The following POLA1 variants were observed in gnomAD, a reference collection of about 807,000 sequenced individuals.
The protein encoded by POLA1 is DNA polymerase alpha 1, catalytic subunit.
POLA1 carries 15 observed loss-of-function variants against 124.0 expected under a neutral mutation model. That is an observed-to-expected ratio of 0.12 (90% CI 0.08 to 0.19). The LOEUF (loss-of-function observed/expected upper bound fraction) is 0.19, where lower values mean the gene tolerates loss of function less well. Among genes scored for constraint, POLA1 ranks in the 10% least tolerant of loss-of-function variants. The probability of loss-of-function intolerance (pLI) is 1.00; values close to 1 mark genes in which losing one functional copy is unlikely to be tolerated. For synonymous variants in POLA1, 408 were observed against 389.4 expected (o/e 1.05, Z -0.56); for missense variants, 886 against 1,103.4 (o/e 0.80, Z 2.79).
chrX:24,951,876 G>C (rs1462760958), intron 36 of POLA1, among the ~76,000 whole-genome samples: 2 of 111,666 alleles, frequency 1.8e-5, no homozygotes, highest in Non-Finnish European at 3.8e-5. Context: ...GTGGGGATTT[G>C]AATCTATTAA....
intron 31 of POLA1, among the ~76,000 whole-genome samples, chrX:24,824,309 T>A (rs1253360585): frequency 5.4e-5 from 6 of 110,549 alleles, no homozygotes; most frequent in African/African-American, 2.0e-4. Context: ...TTTTTTAATT[T>A]TGAGACAGGG....
intron 35 of POLA1, among the ~76,000 whole-genome samples, chrX:24,888,644 G>A (rs2047099821): frequency 2.6e-5 from 2 of 76,254 alleles, no homozygotes; most frequent in African/African-American, 1.1e-4. Context: ...GTCTTGCTCT[G>A]TTGCCAGGCT....
intron 34 of POLA1, among the ~76,000 whole-genome samples, chrX:24,879,005 C>T (rs766426838): frequency 5.4e-5 from 6 of 111,690 alleles, no homozygotes; most frequent in Admixed American, 9.5e-5. Context: ...ACAGAGATTA[C>T]TAGTGATAGC....
At chrX:24,712,178 T>G (rs1042113093) in intron 4 of POLA1, among the ~76,000 whole-genome samples, 1 of 111,220 alleles carries the variant, frequency 9.0e-6, no homozygotes, top group Non-Finnish European at 1.9e-5. Flanking sequence ...TTCCGCCTCC[T>G]GGTTTCAAGC....
chrX:24,737,607 C>T lies in POLA1; in HGVS notation c.1924-18C>T. 1 of 768,408 alleles carries T rather than the reference C, an allele frequency of 1.3e-6. No homozygotes were observed. The highest frequency in any genetic ancestry group is 2.0e-6 in the Non-Finnish European group (1 of 499,116). The allele number at this position is 768,408 out of a possible 1,213,427, so 63.3% of individuals were successfully genotyped here. ...GCATTTGTTATAACATTATCAGCTG[C>T]CTTCTTTTTCTGACTAGGGTCATAA... On this transcript the variant is annotated intron_variant, in intron 18 of 36. Transcript: ENST00000379068.
At position 24,810,858 on chromosome X, in the gene POLA1, C is replaced by G. The variant is rs755978615; in HGVS notation, c.3090+58C>G. 1.1e-3 allele frequency: 617 copies of G among 572,509 alleles called. 1 individual carries two copies. The highest frequency in any genetic ancestry group is 1.6e-3 in the Non-Finnish European group (531 of 335,473). 47.2% of individuals were successfully genotyped at this position (572,509 alleles called of 1,213,427 possible). ...CTATTTTTGTGAATTCTGTTTCTAA[C>G]ATGGAACACTATAAATTCATGTGTA... On this transcript the variant is annotated intron_variant, in intron 28 of 36. Coordinates refer to ENST00000379068, the MANE Select transcript of POLA1 (RefSeq NM_001330360.2).
chrX:24,844,496 T>C (rs1159796969), intron 34 of POLA1, among the ~76,000 whole-genome samples: 2 of 110,164 alleles, frequency 1.8e-5, no homozygotes, highest in African/African-American at 6.6e-5. Context: ...AAAAAGCTCA[T>C]GTCTTAGTTA....
At chrX:24,976,729 G>A (rs750613821) in intron 36 of POLA1, among the ~76,000 whole-genome samples, 87 of 112,366 alleles carry the variant, frequency 7.7e-4, no homozygotes, top group Non-Finnish European at 1.5e-3. Context: ...AAGTTCATAT[G>A]TCTGGTTACA....
At chrX:24,933,748 G>A (rs149051630) in intron 36 of POLA1, among the ~76,000 whole-genome samples, 152 of 112,415 alleles carry the variant, frequency 1.4e-3, no homozygotes, top group African/African-American at 4.8e-3. Context: ...TTATTTGAAA[G>A]AGGTTTATTT....
At chrX:24,771,333 G>A (rs749901714) in intron 26 of POLA1, among the ~76,000 whole-genome samples, 2 of 111,452 alleles carry the variant, frequency 1.8e-5, no homozygotes, top group South Asian at 3.8e-4. Context: ...CAGTCAGAAT[G>A]TTTCACACAC....
At chrX:24,885,449 C>T (rs1218102686) in intron 34 of POLA1, among the ~76,000 whole-genome samples, 4 of 112,040 alleles carry the variant, frequency 3.6e-5, no homozygotes, top group Non-Finnish European at 7.5e-5. Flanking sequence ...CCTGTTCTTG[C>T]TGTCAGCTCC....
intron 35 of POLA1, among the ~76,000 whole-genome samples, chrX:24,920,094 G>A (rs752288479): frequency 1.7e-4 from 19 of 109,148 alleles, no homozygotes; most frequent in African/African-American, 3.0e-4. Flanking sequence ...TGATCCTCCC[G>A]CCTTGGCCTC....
intron 35 of POLA1, among the ~76,000 whole-genome samples, chrX:24,926,115 AG>A (rs781438968): frequency 9.4e-6 from 1 of 106,440 alleles, no homozygotes; most frequent in South Asian, 4.3e-4. Context: ...CTTAGGTGGG[AG>A]GATTGCTTGA....
At chrX:24,740,774 G>A (rs1237026417) in intron 20 of POLA1, among the ~76,000 whole-genome samples, 1 of 111,424 alleles carries the variant, frequency 9.0e-6, no homozygotes, top group Non-Finnish European at 1.9e-5. Context: ...CATAAGGCTT[G>A]CTCCCTCACC....
chrX:24,877,337 A>G (rs952133159), intron 34 of POLA1, among the ~76,000 whole-genome samples: 1 of 112,049 alleles, frequency 8.9e-6, no homozygotes, highest in Admixed American at 9.4e-5. Flanking sequence ...CAGTGCATGG[A>G]AAGTTCTCAG....
intron 26 of POLA1, among the ~76,000 whole-genome samples, chrX:24,757,080 TA>T (rs747868725): frequency 2.7e-5 from 3 of 110,737 alleles, no homozygotes; most frequent in African/African-American, 6.6e-5. Context: ...TATTTTATGT[TA>T]AAAAAAAGCA....
chrX:24,971,541 G>C (rs2048302682), intron 36 of POLA1, among the ~76,000 whole-genome samples: 1 of 112,149 alleles, frequency 8.9e-6, no homozygotes, highest in Admixed American at 9.4e-5. Flanking sequence ...GGCAGGGCAG[G>C]TTTTAAGAGT....
chrX:24,794,849 T>C (rs766433031), intron 26 of POLA1, among the ~76,000 whole-genome samples: 1 of 110,160 alleles, frequency 9.1e-6, no homozygotes, highest in Non-Finnish European at 1.9e-5. Flanking sequence ...CTCAAAAGGG[T>C]GTCTTCGGCT....
chrX:24,726,187 T>C (rs776057501), intron 13 of POLA1, 132 bp downstream of exon 13: 20 of 432,719 alleles, frequency 4.6e-5, no homozygotes, highest in Admixed American at 2.3e-4. Context: ...GGTGGATTTA[T>C]AGTAATGAAT....
Sources: gnomAD v4.1 joint callset for allele counts (sites outside exome capture counted in the v4.1 genomes callset) on GRCh38, gnomAD v4.1.1 for gene constraint, MANE v1.5 for transcripts, NCBI Gene and HGNC (gene_info 2026-07-23, HGNC 2026-07-21) for gene names.